The following TEKTL1 variants were observed in gnomAD, a reference collection of about 807,000 sequenced individuals.
The protein encoded by TEKTL1 is tektin-like protein 1.
chr19:15,020,593 G>C, the TEKTL1 span: 1 of 1,614,062 alleles, frequency 6.2e-7, no homozygotes, highest in East Asian at 2.2e-5. Context: ...CCTCTCCCGA[G>C]CCCCCACTCC....
chr19:15,021,736 G>A, the TEKTL1 span: 13 of 1,612,754 alleles, frequency 8.1e-6, no homozygotes, highest in South Asian at 3.3e-5. Flanking sequence ...GAGAGCCTTC[G>A]GGGGTGGAGG....
chr19:15,019,917 C>T, the TEKTL1 span, among the ~76,000 whole-genome samples: 134 of 149,690 alleles, frequency 9.0e-4, no homozygotes, highest in South Asian at 3.2e-3. Context: ...CAGTGAGTTA[C>T]GATTCCACCA....
chr19:15,013,586 C>A, the TEKTL1 span: 1 of 962,680 alleles, frequency 1.0e-6, no homozygotes, highest in Non-Finnish European at 1.6e-6. Flanking sequence ...GTTTATGAGG[C>A]TGGCAAACCC....
chr19:15,020,182 C>A, the TEKTL1 span, among the ~76,000 whole-genome samples: 1 of 151,278 alleles, frequency 6.6e-6, no homozygotes, highest in African/African-American at 2.4e-5. Flanking sequence ...GTGCTTTACT[C>A]CTGTAGTCCC....
At chr19:15,023,234 C>A in the TEKTL1 span, 3 of 864,166 alleles carry the variant, frequency 3.5e-6, no homozygotes, top group African/African-American at 3.4e-5. Flanking sequence ...TCCAAGCACC[C>A]TCTAGGAGAA....
the TEKTL1 span, chr19:15,010,871 G>T: frequency 2.9e-5 from 45 of 1,557,084 alleles, no homozygotes; most frequent in Admixed American, 8.2e-4. Context: ...GGACACACGC[G>T]TTGGGGCCCC....
the TEKTL1 span, among the ~76,000 whole-genome samples, chr19:15,012,071 C>T: frequency 6.6e-6 from 1 of 150,910 alleles, no homozygotes; most frequent in Middle Eastern, 3.4e-3. Flanking sequence ...GCCTGAGCAA[C>T]ATAGTGAGAC....
the TEKTL1 span, among the ~76,000 whole-genome samples, chr19:15,016,468 T>C: frequency 9.9e-5 from 15 of 152,168 alleles, no homozygotes; most frequent in Non-Finnish European, 2.1e-4. Flanking sequence ...ATTACAGGCA[T>C]GAGCCACTGC....
chr19:15,022,880 A>T, the TEKTL1 span: 1 of 1,593,626 alleles, frequency 6.3e-7, no homozygotes, highest in East Asian at 2.3e-5. Context: ...GGGCACCGAC[A>T]AGCTGCAGTG....
At chr19:15,015,261 G>C in the TEKTL1 span, among the ~76,000 whole-genome samples, 1 of 152,272 alleles carries the variant, frequency 6.6e-6, no homozygotes, top group East Asian at 1.9e-4. Context: ...GCAGGACCTA[G>C]TCTGAATATT....
At chr19:15,013,876 C>T in the TEKTL1 span, 1 of 712,166 alleles carries the variant, frequency 1.4e-6, no homozygotes, top group African/African-American at 1.8e-5. Context: ...AATAGCAATT[C>T]CTTCAAGCCA....
the TEKTL1 span, chr19:15,021,970 G>C: frequency 9.2e-6 from 13 of 1,418,716 alleles, no homozygotes; most frequent in Non-Finnish European, 1.3e-5. Flanking sequence ...CAATGGTAAG[G>C]CTCCTTCCTC....
the TEKTL1 span, among the ~76,000 whole-genome samples, chr19:15,014,734 G>GGT: frequency 1.7e-5 from 2 of 120,556 alleles, no homozygotes; most frequent in Non-Finnish European, 3.5e-5. Context: ...GGGGGGGCGG[G>GGT]GGGCGGGGGC....
chr19:15,020,555 A>G, the TEKTL1 span: 1 of 1,613,920 alleles, frequency 6.2e-7, no homozygotes, highest in South Asian at 1.1e-5. Flanking sequence ...AAGGTTCTGG[A>G]GCAGGCCAGA....
the TEKTL1 span, chr19:15,020,641 G>C: frequency 6.2e-7 from 1 of 1,613,466 alleles, no homozygotes; most frequent in Non-Finnish European, 8.5e-7. Flanking sequence ...TCCAGACCCT[G>C]TGGGCACCTA....
At chr19:15,011,448 C>T in the TEKTL1 span, 1 of 1,355,404 alleles carries the variant, frequency 7.4e-7, no homozygotes, top group Non-Finnish European at 9.6e-7. Flanking sequence ...ACTGAGGCCT[C>T]CGCTATGCGG....
chr19:15,012,406 T>C, the TEKTL1 span, among the ~76,000 whole-genome samples: 2 of 151,330 alleles, frequency 1.3e-5, no homozygotes, highest in African/African-American at 4.9e-5. Context: ...TGCACCAAAG[T>C]TTAAAAAAAA....
At chr19:15,018,275 AC>A in the TEKTL1 span, among the ~76,000 whole-genome samples, 1 of 152,056 alleles carries the variant, frequency 6.6e-6, no homozygotes, top group South Asian at 2.1e-4. Context: ...AATCCTTTGA[AC>A]CCGGGAGGCA....
chr19:15,020,700 G>C, the TEKTL1 span: 7,207 of 1,540,858 alleles, frequency 4.7e-3, 26 homozygotes, highest in Non-Finnish European at 5.9e-3. Flanking sequence ...TGCCCACCCA[G>C]ATCCCCTTGA....
Sources: allele counts gnomAD v4.1 joint callset (sites outside exome capture counted in the v4.1 genomes callset), GRCh38; gene constraint gnomAD v4.1.1; transcripts MANE v1.5; gene names NCBI Gene and HGNC (gene_info 2026-07-23, HGNC 2026-07-21).